SLC29A3: variants seen among roughly 807,000 people sequenced by gnomAD.
SLC29A3 encodes solute carrier family 29 member 3.
SLC29A3 carries 18 observed loss-of-function variants against 25.4 expected under a neutral mutation model. The observed-to-expected ratio is 0.71, with a 90% CI of 0.49 to 1.05. The LOEUF (loss-of-function observed/expected upper bound fraction) is 1.05, where lower values mean the gene tolerates loss of function less well. Ranked by LOEUF, SLC29A3 falls within the 50% of genes least tolerant of loss-of-function variation. SLC29A3 has a pLI of 0.00. For missense variants in SLC29A3, 586 were observed against 609.0 expected (o/e 0.96, Z 0.40); for synonymous variants, 258 against 267.1 (o/e 0.97, Z 0.33).
At chr10:71,338,418 A>G (rs989081062) in intron 2 of SLC29A3, among the ~76,000 whole-genome samples, 1 of 152,196 alleles carries the variant, frequency 6.6e-6, no homozygotes, top group African/African-American at 2.4e-5. Context: ...AGATTAGCTA[A>G]TGTATTCCTT....
At chr10:71,379,990 A>G (rs1231539153) in exon 5 of SLC29A3, 1 of 152,320 alleles carries the variant, frequency 6.6e-6, no homozygotes, top group Non-Finnish European at 1.5e-5. Flanking sequence ...TGGAGCTGGA[A>G]CCCTTCCTTT....
chr10:71,354,836 G>A (rs949656561), intron 4 of SLC29A3, among the ~76,000 whole-genome samples: 1 of 152,162 alleles, frequency 6.6e-6, no homozygotes, highest in South Asian at 2.1e-4. Context: ...ACCTCACTAC[G>A]GTCACCTGTG....
At chr10:71,347,624 G>A (rs1257000481) in intron 3 of SLC29A3, among the ~76,000 whole-genome samples, 1 of 152,200 alleles carries the variant, frequency 6.6e-6, no homozygotes, top group Admixed American at 6.5e-5. Context: ...GATGAATGTT[G>A]AAAATAGCCC....
rs535335207 is a variant in SLC29A3, at chr10:71,358,969, G to A, written c.773+2726G>A. On this transcript the variant is annotated intron_variant, in intron 5 of 5. Coordinates refer to ENST00000373189, the MANE Select transcript of SLC29A3 (RefSeq NM_018344.6). Reference sequence around the variant, plus strand: ...TCTGTCGCCCAGGTTGGAGTGCAGTGGCACAATCACGGCTCACGGCAGCCT... The same window carrying A: ...TCTGTCGCCCAGGTTGGAGTGCAGTAGCACAATCACGGCTCACGGCAGCCT... Among the ~76,000 whole-genome samples, 12 of 152,260 alleles carry A rather than the reference G, an allele frequency of 7.9e-5. No homozygotes were observed. In the South Asian group the frequency reaches 2.3e-3, roughly 29 times the overall value.
At chr10:71,347,967 G>A (rs1384968952) in intron 3 of SLC29A3, among the ~76,000 whole-genome samples, 1 of 152,222 alleles carries the variant, frequency 6.6e-6, no homozygotes, top group African/African-American at 2.4e-5. Context: ...ACTTTTTCCT[G>A]GCCGTGTCTG....
intron 1 of SLC29A3, chr10:71,319,573 T>G: frequency 2.5e-6 from 1 of 392,756 alleles, no homozygotes; most frequent in Non-Finnish European, 4.5e-6. Flanking sequence ...GCCTGTATGG[T>G]GGGGGCCTGG....
chr10:71,378,288 C>A (rs1253687620), intron 4 of SLC29A3, among the ~76,000 whole-genome samples: 1 of 152,178 alleles, frequency 6.6e-6, no homozygotes, highest in Non-Finnish European at 1.5e-5. Context: ...CCCTTGAAAT[C>A]CTTCAGTCAG....
chr10:71,364,358 G>T (rs571904713), downstream of SLC29A3: 1 of 152,192 alleles, frequency 6.6e-6, no homozygotes, highest in East Asian at 1.9e-4. Flanking sequence ...AAAAGACGAC[G>T]CCCAGGTTCC....
At position 71,344,283 on chromosome 10, in the gene SLC29A3, T is replaced by C; in HGVS notation, c.375T>C (p.Leu125=). ...SMLCLVANFL[L]VNRVAVHIRV... The stretch of plus-strand genomic sequence containing the variant: ...TGTGCCTGGTGGCCAACTTCCTGCT[T>C]GTCAACAGGTAGGCGACTCTCTTCC... Residue 125 remains leucine (L), a synonymous_variant, in exon 3 of 6, where the codon CTT becomes CTC. Transcript: ENST00000373189. 8 of 1,613,598 alleles carry C rather than the reference T, an allele frequency of 5.0e-6. No individual in the cohort carries two copies. The highest frequency in any genetic ancestry group is 6.8e-6 in the Non-Finnish European group (8 of 1,179,590).
chr10:71,361,879 G>A (rs1338509711), intron 5 of SLC29A3, 75 bp from the exon 6 acceptor site: 2 of 1,577,120 alleles, frequency 1.3e-6, no homozygotes, highest in Admixed American at 3.3e-5. Context: ...GTTCTGTTCT[G>A]AGTGCCCACC....
Position 71,351,717 on chromosome 10 carries a change from C to T in SLC29A3, c.539C>T (p.Thr180Ile), listed in dbSNP as rs1410886413. 4 of 1,614,224 alleles carry T rather than the reference C, an allele frequency of 2.5e-6. No homozygotes were observed. The highest frequency in any genetic ancestry group is 2.2e-5 in the South Asian group (2 of 91,078). ...ATGGTGATCCTCAGCGGTGCCTCCA[C>T]TGTCTTCAGCAGCAGCATCTACGGC... ...VCMVILSGASTVFSSSIYGMT... is the reference protein window; with the variant it reads ...VCMVILSGASIVFSSSIYGMT... Residue 180 changes from threonine to isoleucine, a missense_variant, in exon 4 of 6, where the codon ACT (threonine) becomes ATT (isoleucine). Coordinates refer to ENST00000373189, the MANE Select transcript of SLC29A3 (RefSeq NM_018344.6).
chr10:71,325,238 A>C (rs766792622), intron 2 of SLC29A3, among the ~76,000 whole-genome samples: 4 of 152,134 alleles, frequency 2.6e-5, no homozygotes, highest in Non-Finnish European at 5.9e-5. Flanking sequence ...TGCCATAGTG[A>C]GGGAGGCATC....
At chr10:71,345,434 C>A (rs1016619090) in intron 3 of SLC29A3, among the ~76,000 whole-genome samples, 1 of 152,168 alleles carries the variant, frequency 6.6e-6, no homozygotes, top group Non-Finnish European at 1.5e-5. Flanking sequence ...TGGCTGAGAA[C>A]AAGGGAGAGG....
At chr10:71,379,444 G>A (rs183612132) in intron 4 of SLC29A3, among the ~76,000 whole-genome samples, 3 of 152,248 alleles carry the variant, frequency 2.0e-5, no homozygotes, top group Non-Finnish European at 4.4e-5. Context: ...ATGGTCACAA[G>A]AGTGAATCCC....
chr10:71,338,346 C>G (rs754942525), intron 2 of SLC29A3, among the ~76,000 whole-genome samples: 1 of 152,178 alleles, frequency 6.6e-6, no homozygotes, highest in Non-Finnish European at 1.5e-5. Flanking sequence ...CTTTTTAAAA[C>G]TACGAAGACC....
At chr10:71,369,415 G>A (rs1383026370) in intron 3 of SLC29A3, among the ~76,000 whole-genome samples, 1 of 152,200 alleles carries the variant, frequency 6.6e-6, no homozygotes, top group Non-Finnish European at 1.5e-5. Flanking sequence ...TATATTGAAA[G>A]TGTGGCTTGG....
At chr10:71,371,963 AT>A (rs1216984841) in intron 3 of SLC29A3, among the ~76,000 whole-genome samples, 7 of 152,212 alleles carry the variant, frequency 4.6e-5, no homozygotes, top group African/African-American at 1.7e-4. Flanking sequence ...TCATGAAATC[AT>A]TGCAAAGAGG....
chr10:71,357,895 G>T (rs1026696694), intron 5 of SLC29A3, among the ~76,000 whole-genome samples: 2 of 152,248 alleles, frequency 1.3e-5, no homozygotes, highest in East Asian at 3.8e-4. Context: ...CCAAGAGAAG[G>T]CTAAGTGAAG....
In SLC29A3 at chr10:71,334,319, G is replaced by C. The variant is rs543160015; in HGVS notation, c.301-9890G>C. Among the ~76,000 whole-genome samples, 13 of 152,344 alleles carry C rather than the reference G, an allele frequency of 8.5e-5. No individual in the cohort carries two copies. The South Asian group carries it at 1.9e-3, about 22-fold the overall frequency. ...TAAACAAATGGGCTGACCGAAGGCC[G>C]ACCGCGTTCCAGTGTTCACACAAAG... On this transcript the variant is annotated intron_variant, in intron 2 of 5. Coordinates refer to ENST00000373189, the MANE Select transcript of SLC29A3 (RefSeq NM_018344.6).
Sources: allele counts gnomAD v4.1 joint callset (sites outside exome capture counted in the v4.1 genomes callset), GRCh38; gene constraint gnomAD v4.1.1; transcripts MANE v1.5; gene names NCBI Gene and HGNC (gene_info 2026-07-23, HGNC 2026-07-21).